The following YPEL1 variants were observed in gnomAD, a reference collection of about 807,000 sequenced individuals.
YPEL1 encodes yippee like 1.
In YPEL1, 7 loss-of-function variants were observed where a neutral mutation model predicts 17.3. The observed-to-expected ratio is 0.40, with a 90% confidence interval of 0.23 to 0.76. YPEL1 has a LOEUF of 0.76. Ranked by LOEUF, YPEL1 falls within the 30% of genes least tolerant of loss-of-function variation. YPEL1 has a pLI of 0.35. For missense variants in YPEL1, 91 were observed against 155.5 expected, an observed-to-expected ratio of 0.59 and a Z score of 2.21; for synonymous variants, 59 against 59.6, an observed-to-expected ratio of 0.99 and a Z score of 0.05.
chr22:21,729,174 GGTGGTGCATGACT>G (rs1470070650), intron 1 of YPEL1, among the ~76,000 whole-genome samples: 1 of 151,994 alleles, frequency 6.6e-6, no homozygotes, highest in Non-Finnish European at 1.5e-5. Flanking sequence ...AGCCGGGCAT[GGTGGTGCATGACT>G]GTGGTGCCAG....
chr22:21,713,555 TCAGAGA>T (rs2068191820), intron 1 of YPEL1, among the ~76,000 whole-genome samples: 3 of 152,176 alleles, frequency 2.0e-5, no homozygotes, highest in Non-Finnish European at 4.4e-5. Flanking sequence ...GTAGTGGGAC[TCAGAGA>T]CAGAAAGAGC....
intron 1 of YPEL1, among the ~76,000 whole-genome samples, chr22:21,714,585 A>G (rs2068203324): frequency 6.6e-6 from 1 of 152,038 alleles, no homozygotes; most frequent in Non-Finnish European, 1.5e-5. Context: ...CAGGCTGGCT[A>G]CTAAATGGTG....
At chr22:21,712,492 CGAA>C (rs71195699) in intron 1 of YPEL1, among the ~76,000 whole-genome samples, 44,772 of 151,328 alleles carry the variant, frequency 0.3, 7,609 homozygotes, top group East Asian at 0.45. Flanking sequence ...TATGGGAGGC[CGAA>C]GAAGGTGGAT....
chr22:21,720,948 A>G (rs2068275905), intron 1 of YPEL1, among the ~76,000 whole-genome samples: 1 of 149,376 alleles, frequency 6.7e-6, no homozygotes. Context: ...AGCTGGGACT[A>G]CAGGTGCACA....
intron 2 of YPEL1, among the ~76,000 whole-genome samples, chr22:21,706,166 C>A (rs980284806): frequency 6.6e-6 from 1 of 151,198 alleles, no homozygotes; most frequent in African/African-American, 2.4e-5. Flanking sequence ...CGCGGTGGTT[C>A]ATGCCTGTAA....
At position 21,700,364 on chromosome 22, in the gene YPEL1, T is replaced by A. The variant is rs532131202; in HGVS notation, c.*765A>T. Reference sequence around the variant, plus strand: ...GTCTCGCCCTATTGCCAGGCTGGAGTGCAGTGGCGCGATCTTGGCTCACTG... The same window carrying A: ...GTCTCGCCCTATTGCCAGGCTGGAGAGCAGTGGCGCGATCTTGGCTCACTG... On this transcript the variant is annotated 3_prime_UTR_variant, in exon 5 of 5. Transcript: ENST00000339468. 6.6e-6 allele frequency: 1 copy of A among 152,406 alleles called. No individual in the cohort carries two copies. Among genetic ancestry groups the A allele is most frequent in the African/African-American group, 2.4e-5 (1 of 41,558 alleles). The allele number at this position is 152,406 out of a possible 1,614,324, so 9.4% of individuals were successfully genotyped here. A position where few individuals can be genotyped will look rare whatever the true frequency, so the allele number is the denominator to read the frequency against.
intron 1 of YPEL1, among the ~76,000 whole-genome samples, chr22:21,717,376 C>CAAA (rs751720152): frequency 3.1e-4 from 19 of 61,478 alleles, no homozygotes; most frequent in African/African-American, 6.4e-4. Flanking sequence ...TAGTCCGTCT[C>CAAA]AAAAAAAAAA....
chr22:21,700,911 AG>A lies in YPEL1; in HGVS notation c.*217del, dbSNP rs2068058659. On this transcript the variant is annotated 3_prime_UTR_variant, in exon 5 of 5. Coordinates refer to ENST00000339468, the MANE Select transcript of YPEL1 (RefSeq NM_013313.5). ...CTCTAGAACTTGAGAAGTTAGAAAAAGCTCATTGAAAATTTTCAGAAACAAC... is the reference window on the plus strand; with the variant it reads ...CTCTAGAACTTGAGAAGTTAGAAAAACTCATTGAAAATTTTCAGAAACAAC... The A allele has an allele frequency of 4.6e-6, 2 of 432,304 alleles. No individual in the cohort carries two copies. The highest frequency in any genetic ancestry group is 8.2e-6 in the Non-Finnish European group (2 of 243,246). The allele number at this position is 432,304 out of a possible 1,614,324, so 26.8% of individuals were successfully genotyped here. A position where few individuals can be genotyped will look rare whatever the true frequency, so the allele number is the denominator to read the frequency against.
At chr22:21,706,909 G>A (rs2068121382) in intron 2 of YPEL1, among the ~76,000 whole-genome samples, 1 of 151,818 alleles carries the variant, frequency 6.6e-6, no homozygotes, top group Non-Finnish European at 1.5e-5. Context: ...ACTAAGTGAG[G>A]AAAAGTTAGC....
chr22:21,715,761 CTTTTT>C lies in YPEL1; in HGVS notation c.-164-4858_-164-4854del, dbSNP rs746097162. Among the ~76,000 whole-genome samples the C allele has an allele frequency of 8.5e-3, 725 of 85,764 alleles. 6 individuals are homozygous for C. Among genetic ancestry groups the C allele is most frequent in the African/African-American group, 0.029 (683 of 23,766 alleles). 56.3% of individuals were successfully genotyped at this position (85,764 alleles called of 152,430 possible). On this transcript the variant is annotated intron_variant, in intron 1 of 4. Coordinates refer to ENST00000339468, the MANE Select transcript of YPEL1 (RefSeq NM_013313.5). ...CACACCTAATTTTTCTTTTTCTTTT[CTTTTT>C]TTTTTTTTTTTTTTGAGACAGAGTT...
At chr22:21,715,280 G>A (rs916368483) in intron 1 of YPEL1, among the ~76,000 whole-genome samples, 4 of 152,062 alleles carry the variant, frequency 2.6e-5, no homozygotes, top group African/African-American at 9.7e-5. Context: ...AGATCGCCAG[G>A]TCAGGAGTTC....
chr22:21,731,484 C>T (rs9607216), intron 1 of YPEL1, among the ~76,000 whole-genome samples: 1 of 146,962 alleles, frequency 6.8e-6, no homozygotes, highest in African/African-American at 2.5e-5. Context: ...TACCCTCATG[C>T]TAAATAAAGT....
rs540858491 is a variant in YPEL1 at position 21,698,497 on chromosome 22, G to C, written c.*2632C>G. 6.6e-6 allele frequency: 1 copy of C among 152,278 alleles called. No homozygotes were observed. The highest frequency in any genetic ancestry group is 1.5e-5 in the Non-Finnish European group (1 of 68,030). 9.4% of individuals were successfully genotyped at this position (152,278 alleles called of 1,614,324 possible). A position where few individuals can be genotyped will look rare whatever the true frequency, so the allele number is the denominator to read the frequency against. On this transcript the variant is annotated 3_prime_UTR_variant, in exon 5 of 5. Transcript: ENST00000339468. ...AGTCACTCAGGACTTGGCTGTCCTCGCACCCGTGGCAGGCTGGGGACGGCA... is the reference window on the plus strand; with the variant it reads ...AGTCACTCAGGACTTGGCTGTCCTCCCACCCGTGGCAGGCTGGGGACGGCA...
chr22:21,720,814 T>G lies in YPEL1; in HGVS notation c.-164-9906A>C, dbSNP rs12159366. ...GAGCCACCATGCCTGGCCGATTTTG[T>G]TTTTTTTTTTTTTTTTGAGAGTCTT... On this transcript the variant is annotated intron_variant, in intron 1 of 4. Coordinates refer to ENST00000339468, the MANE Select transcript of YPEL1 (RefSeq NM_013313.5). Among the ~76,000 whole-genome samples, 14 of 48,258 alleles carry G rather than the reference T, an allele frequency of 2.9e-4. No homozygotes were observed. The East Asian group carries it at 3.7e-3, about 13-fold the overall frequency. 31.7% of individuals were successfully genotyped at this position (48,258 alleles called of 152,430 possible).
At chr22:21,723,406 C>T (rs2068302442) in intron 1 of YPEL1, among the ~76,000 whole-genome samples, 1 of 151,702 alleles carries the variant, frequency 6.6e-6, no homozygotes, top group Admixed American at 6.6e-5. Context: ...CTCACTCTGT[C>T]ATCCAGGCTG....
At chr22:21,728,368 A>G (rs1395700209) in intron 1 of YPEL1, among the ~76,000 whole-genome samples, 1 of 152,188 alleles carries the variant, frequency 6.6e-6, no homozygotes, top group Non-Finnish European at 1.5e-5. Flanking sequence ...GGGAATGGAC[A>G]ACGGATAAAA....
At chr22:21,714,657 G>A (rs73149917) in intron 1 of YPEL1, among the ~76,000 whole-genome samples, 207 of 152,228 alleles carry the variant, frequency 1.4e-3, no homozygotes, top group Non-Finnish European at 2.2e-3. Context: ...ACAATCCCAG[G>A]AGCAGATGCC....
chr22:21,733,400 A>G (rs777057445), intron 1 of YPEL1, among the ~76,000 whole-genome samples: 3 of 152,066 alleles, frequency 2.0e-5, no homozygotes, highest in Non-Finnish European at 4.4e-5. Flanking sequence ...TGGGTGAGAC[A>G]GAGCGAGACT....
intron 2 of YPEL1, among the ~76,000 whole-genome samples, chr22:21,704,979 G>A (rs958392014): frequency 6.6e-6 from 1 of 152,034 alleles, no homozygotes; most frequent in Non-Finnish European, 1.5e-5. Context: ...GGGAGTTGGG[G>A]TTTTGAGATG....
Sources: gnomAD v4.1 joint callset for allele counts (sites outside exome capture counted in the v4.1 genomes callset) on GRCh38, gnomAD v4.1.1 for gene constraint, MANE v1.5 for transcripts, NCBI Gene and HGNC (gene_info 2026-07-23, HGNC 2026-07-21) for gene names.